CYFIP2: variants seen among roughly 807,000 people sequenced by gnomAD.
The protein encoded by CYFIP2 is cytoplasmic FMR1 interacting protein 2.
CYFIP2 carries 29 observed loss-of-function variants against 158.7 expected under a neutral mutation model. The ratio of observed to expected loss-of-function variants is 0.18; its 90% CI spans 0.14 to 0.25. The LOEUF is 0.25. CYFIP2 is among the 10% of genes least tolerant of loss of function. The probability of loss-of-function intolerance (pLI) is 1.00; values close to 1 mark genes in which losing one functional copy is unlikely to be tolerated. For synonymous variants in CYFIP2, 585 were observed against 617.6 expected, an observed-to-expected ratio of 0.95 and a Z score of 0.78; for missense variants, 852 against 1,639.5, an observed-to-expected ratio of 0.52 and a Z score of 8.29.
Position 157,311,691 on chromosome 5 carries a change from C to T in CYFIP2, c.1020C>T (p.Ser340=), listed in dbSNP as rs1186681128. The T allele has an allele frequency of 1.2e-6, 2 of 1,610,428 alleles. No homozygotes were observed. The highest frequency in any genetic ancestry group is 1.3e-5 in the African/African-American group (1 of 74,868). ...GGACGTGCACCCAGAGCAGCATCAG[C>T]CCCCAGTACAATATCTGCGAGCAGA... ...SKWTCTQSSI[S]PQYNICEQMV... The change falls in exon 11 of 31, where the codon AGC becomes AGT. Residue 340 remains serine (S), a synonymous_variant. Transcript: ENST00000620254. The surrounding 1 kb of genome is among the most constrained non-coding windows in gnomAD (Gnocchi z 4.7).
At position 157,296,284 on chromosome 5, in the gene CYFIP2, A is replaced by G. The variant is rs530203253; in HGVS notation, c.286-389A>G. ...CCAAAATCAGGTGTATTTGAGAGTG[A>G]AAAAGGGCCCTATTAATAAGACAGC... On this transcript the variant is annotated intron_variant, in intron 4 of 30. Coordinates refer to ENST00000620254, the MANE Select transcript of CYFIP2 (RefSeq NM_001037333.3). Among the ~76,000 whole-genome samples the G allele has an allele frequency of 4.6e-5, 7 of 152,280 alleles. No individual in the cohort carries two copies. In the East Asian group the frequency reaches 9.6e-4, roughly 21 times the overall value.
At chr5:157,322,991 A>T (rs746704977) in intron 15 of CYFIP2, 2 of 1,535,904 alleles carry the variant, frequency 1.3e-6, no homozygotes, top group South Asian at 1.2e-5. Flanking sequence ...GGTGGCACAC[A>T]GGGCCGAAGA....
chr5:157,392,947 C>G lies in CYFIP2; in HGVS notation c.3709C>G (p.His1237Asp), dbSNP rs952468007. ...SVETDSSTVE[H>D]VRCFQPPIHQ... ...GGAGACAGACAGTTCCACTGTGGAG[C>G]ATGTGCGCTGCTTCCAGCCACCCAT... Residue 1237 changes from histidine to aspartate, a missense_variant, in exon 31 of 31, where the codon CAT becomes GAT. Around this residue, in one of 8 missense-constraint regions of CYFIP2, gnomAD observed 223 missense variants for 381.6 expected, o/e 0.58. Transcript: ENST00000620254. 2 of 1,613,954 alleles carry G rather than the reference C, an allele frequency of 1.2e-6. No homozygotes were observed. Among genetic ancestry groups the G allele is most frequent in the Non-Finnish European group, 1.7e-6 (2 of 1,179,878 alleles).
chr5:157,298,566 G>A (rs1057022186), intron 5 of CYFIP2, among the ~76,000 whole-genome samples: 29 of 149,950 alleles, frequency 1.9e-4, no homozygotes, highest in Admixed American at 6.0e-4. Flanking sequence ...GGCTGGTCTC[G>A]AACTCCTGGC....
chr5:157,344,121 C>T (rs1762505809), intron 23 of CYFIP2, among the ~76,000 whole-genome samples: 2 of 152,164 alleles, frequency 1.3e-5, no homozygotes. Flanking sequence ...CACCCCAAAG[C>T]TTCTGCTCTT....
intron 10 of CYFIP2, 83 bp downstream of exon 10, chr5:157,309,917 C>T: frequency 1.1e-5 from 14 of 1,282,146 alleles, no homozygotes; most frequent in Non-Finnish European, 1.5e-5. Flanking sequence ...TCAGCCCCTC[C>T]TCCCTCCCCA....
chr5:157,338,498 G>A (rs1211881302), intron 21 of CYFIP2, among the ~76,000 whole-genome samples: 1 of 152,178 alleles, frequency 6.6e-6, no homozygotes, highest in Non-Finnish European at 1.5e-5. Context: ...TCAAAGCCTC[G>A]GTTTCCATAT....
intron 3 of CYFIP2, among the ~76,000 whole-genome samples, chr5:157,292,272 T>C (rs1473564045): frequency 1.3e-5 from 2 of 152,048 alleles, no homozygotes; most frequent in Non-Finnish European, 2.9e-5. Flanking sequence ...CAGGCTGGAG[T>C]GCAATGGCAC....
At chr5:157,324,202 C>A in intron 16 of CYFIP2, 128 bp downstream of exon 16, 2 of 1,136,006 alleles carry the variant, frequency 1.8e-6, no homozygotes, top group South Asian at 2.1e-5. Flanking sequence ...ATATCACCAC[C>A]AAGGAAAAAA....
chr5:157,352,968 C>T (rs1017359142), intron 23 of CYFIP2, among the ~76,000 whole-genome samples: 27 of 152,314 alleles, frequency 1.8e-4, no homozygotes, highest in African/African-American at 6.5e-4. Context: ...GGGATTGCCG[C>T]CAGCCTCCAG....
At chr5:157,322,071 G>A (rs142827355) in intron 15 of CYFIP2, among the ~76,000 whole-genome samples, 1 of 152,066 alleles carries the variant, frequency 6.6e-6, no homozygotes, top group Non-Finnish European at 1.5e-5. Flanking sequence ...AGAGGGGTGG[G>A]TCACCAGCAG....
intron 30 of CYFIP2, among the ~76,000 whole-genome samples, chr5:157,391,645 G>A (rs1390717316): frequency 6.6e-6 from 1 of 152,124 alleles, no homozygotes; most frequent in Non-Finnish European, 1.5e-5. Flanking sequence ...ATATTGCATT[G>A]TGTATATAGA....
chr5:157,330,747 T>C lies in CYFIP2; in HGVS notation c.2162T>C (p.Leu721Pro). ...TTCACTTTTATTCCTTGCAGTGTCC[T>C]GTTGGATAAACGTTTTCGAGCTGAG... Reference protein sequence around the residue: ...AYYKAMAGSVLLDKRFRAECK... With the variant: ...AYYKAMAGSVPLDKRFRAECK... Residue 721 changes from leucine (L) to proline (P), a missense_variant, in exon 20 of 31, where the codon CTG (leucine) becomes CCG (proline). Leu to Pro is a moderately conservative substitution (Grantham distance 98). This residue lies in a region of CYFIP2 where 191 missense variants were observed against 311.2 expected (regional missense o/e 0.61). Transcript: ENST00000620254. 1.2e-6 allele frequency: 2 copies of C among 1,613,908 alleles called. No individual in the cohort carries two copies.
At position 157,311,388 on chromosome 5, in the gene CYFIP2, T is replaced by C. The variant is rs1025648561; in HGVS notation, c.993-276T>C. The C allele has an allele frequency of 2.1e-6, 1 of 477,622 alleles. No individual in the cohort carries two copies. Among genetic ancestry groups the C allele is most frequent in the African/African-American group, 2.0e-5 (1 of 51,108 alleles). The allele number at this position is 477,622 out of a possible 1,614,324, so 29.6% of individuals were successfully genotyped here. ...AGGCTGTGTTCCCGCCCCTCTCATA[T>C]TACTGGTAAGTATTATGGACCAGGT... On this transcript the variant is annotated intron_variant, in intron 10 of 30. Coordinates refer to ENST00000620254, the MANE Select transcript of CYFIP2 (RefSeq NM_001037333.3). The surrounding 1 kb of genome is among the most constrained non-coding windows in gnomAD (Gnocchi z 4.7).
intron 13 of CYFIP2, among the ~76,000 whole-genome samples, chr5:157,318,132 A>G (rs2113089857): frequency 6.6e-6 from 1 of 152,354 alleles, no homozygotes; most frequent in South Asian, 2.1e-4. Flanking sequence ...GTCTTCAGTC[A>G]AATATATGTC....
intron 21 of CYFIP2, among the ~76,000 whole-genome samples, chr5:157,337,454 A>G (rs553037053): frequency 6.6e-6 from 1 of 152,196 alleles, no homozygotes; most frequent in Non-Finnish European, 1.5e-5. Context: ...CCACTCCCCA[A>G]ACTTTCTCTT....
At chr5:157,306,073 C>T (rs1051171122) in intron 8 of CYFIP2, among the ~76,000 whole-genome samples, 9 of 152,216 alleles carry the variant, frequency 5.9e-5, no homozygotes, top group South Asian at 2.1e-4. Context: ...TCTTTATACA[C>T]GCTGCAGAGC....
rs777537640 is a variant in CYFIP2, at chr5:157,393,390, A to G, written c.*390A>G. 13 of 164,288 alleles carry G rather than the reference A, an allele frequency of 7.9e-5. No individual in the cohort carries two copies. The highest frequency in any genetic ancestry group is 6.6e-5 in the Non-Finnish European group (5 of 76,220). The allele number at this position is 164,288 out of a possible 1,614,324, so 10.2% of individuals were successfully genotyped here. ...CCCAGTGCCCTTGTGTGACCCCAGG[A>G]CTCAAGTCTCAGACTGTGAACAGAT... On this transcript the variant is annotated 3_prime_UTR_variant, in exon 31 of 31. Coordinates refer to ENST00000620254, the MANE Select transcript of CYFIP2 (RefSeq NM_001037333.3).
At chr5:157,364,265 C>G (rs547248308) in intron 26 of CYFIP2, 5 of 150,596 alleles carry the variant, frequency 3.3e-5, no homozygotes, top group South Asian at 2.1e-4. Flanking sequence ...CACCTCTTTT[C>G]ATGAGGAACT....
Sources: gnomAD v4.1 joint callset for allele counts (sites outside exome capture counted in the v4.1 genomes callset) on GRCh38, gnomAD v4.1.1 for gene constraint, gnomAD v4.1.1 regional missense constraint, Gnocchi (gnomAD v3.1) non-coding constraint, MANE v1.5 for transcripts, NCBI Gene and HGNC (gene_info 2026-07-23, HGNC 2026-07-21) for gene names.